Variants in NCAM2 observed in about 807,000 individuals in gnomAD.
NCAM2 encodes N-CAM-2.
NCAM2 carries 30 observed loss-of-function variants against 98.1 expected under a neutral mutation model. The observed-to-expected ratio is 0.31, with a 90% CI of 0.23 to 0.41. The LOEUF (loss-of-function observed/expected upper bound fraction) is 0.41. Among genes scored for constraint, NCAM2 ranks in the 10% least tolerant of loss-of-function variants. The probability of loss-of-function intolerance (pLI) is 1.00; values close to 1 mark genes in which losing one functional copy is unlikely to be tolerated. For missense variants in NCAM2, 867 were observed against 1,005.8 expected, an observed-to-expected ratio of 0.86 and a Z score of 1.87; for synonymous variants, 368 against 342.4, an observed-to-expected ratio of 1.07 and a Z score of -0.83.
At chr21:21,390,175 G>A (rs1035130218) in intron 9 of NCAM2, among the ~76,000 whole-genome samples, 4 of 151,974 alleles carry the variant, frequency 2.6e-5, no homozygotes, top group African/African-American at 7.3e-5. Flanking sequence ...TATTGACTAC[G>A]TGTTGAAATT....
At chr21:21,184,398 AT>A (rs1204783985) in intron 1 of NCAM2, among the ~76,000 whole-genome samples, 1 of 152,046 alleles carries the variant, frequency 6.6e-6, no homozygotes, top group Non-Finnish European at 1.5e-5. Context: ...TGTGGAGTAC[AT>A]TTTGGTACTT....
At chr21:21,236,671 G>C (rs1265375345) in intron 1 of NCAM2, among the ~76,000 whole-genome samples, 1 of 151,836 alleles carries the variant, frequency 6.6e-6, no homozygotes, top group Non-Finnish European at 1.5e-5. Context: ...ATGTTGCCTA[G>C]TATTTAATAA....
chr21:21,264,770 CTATATATA>C (rs933965013), intron 1 of NCAM2, among the ~76,000 whole-genome samples: 1 of 6,174 alleles, frequency 1.6e-4, no homozygotes, highest in Admixed American at 2.5e-3. Flanking sequence ...ATATATTCCA[CTATATATA>C]TACATATATA....
intron 12 of NCAM2, among the ~76,000 whole-genome samples, chr21:21,439,793 T>C (rs938854972): frequency 2.0e-5 from 3 of 152,236 alleles, no homozygotes; most frequent in African/African-American, 7.2e-5. Flanking sequence ...TTTATACCTA[T>C]GATACACATT....
intron 11 of NCAM2, among the ~76,000 whole-genome samples, chr21:21,421,220 T>C (rs1370176124): frequency 1.3e-5 from 2 of 152,018 alleles, no homozygotes; most frequent in African/African-American, 4.8e-5. Context: ...TAGTATTTAA[T>C]GTGCATGTAC....
At chr21:21,123,584 C>T (rs1440525402) in intron 1 of NCAM2, among the ~76,000 whole-genome samples, 1 of 152,054 alleles carries the variant, frequency 6.6e-6, no homozygotes, top group Admixed American at 6.6e-5. Context: ...TTGTAAGATG[C>T]TACAAATGTC....
intron 10 of NCAM2, among the ~76,000 whole-genome samples, chr21:21,411,046 ATGTG>A (rs376274913): frequency 4.1e-5 from 2 of 48,742 alleles, no homozygotes; most frequent in Non-Finnish European, 7.5e-5. Flanking sequence ...ACATATATAT[ATGTG>A]TGTGTATATA....
chr21:21,150,217 G>C lies in NCAM2; in HGVS notation c.56-130361G>C, dbSNP rs1466455270. On this transcript the variant is annotated intron_variant, in intron 1 of 17. Transcript: ENST00000400546. Reference sequence around the variant, plus strand: ...ACAATTAATTATTGCATGTTGAGCAGTACCTTGCAAATATATTTACTTATT... The same window carrying C: ...ACAATTAATTATTGCATGTTGAGCACTACCTTGCAAATATATTTACTTATT... 5.9e-5 allele frequency among the ~76,000 whole-genome samples: 9 copies of C among 152,130 alleles called. 1 individual carries two copies.
intron 16 of NCAM2, among the ~76,000 whole-genome samples, chr21:21,515,626 G>T (rs1988667603): frequency 6.6e-6 from 1 of 152,024 alleles, no homozygotes; most frequent in African/African-American, 2.4e-5. Context: ...ATTGAATAAA[G>T]TAATTTCGAT....
intron 1 of NCAM2, among the ~76,000 whole-genome samples, chr21:21,001,680 C>T (rs752247438): frequency 1.8e-4 from 28 of 152,156 alleles, no homozygotes; most frequent in Admixed American, 7.2e-4. Flanking sequence ...TGGATGTTCA[C>T]ATATGTAAGA....
chr21:21,383,917 A>G (rs940522293), intron 9 of NCAM2, among the ~76,000 whole-genome samples: 1 of 152,084 alleles, frequency 6.6e-6, no homozygotes, highest in Admixed American at 6.5e-5. Flanking sequence ...CAAAATTTAA[A>G]AAAGTGTTTA....
intron 9 of NCAM2, among the ~76,000 whole-genome samples, chr21:21,408,088 A>G (rs909267615): frequency 6.6e-6 from 1 of 152,208 alleles, no homozygotes; most frequent in African/African-American, 2.4e-5. Flanking sequence ...TGACCCCCAA[A>G]TGGACATCAT....
intron 9 of NCAM2, among the ~76,000 whole-genome samples, chr21:21,378,797 C>T (rs2076088299): frequency 6.6e-6 from 1 of 151,914 alleles, no homozygotes. Flanking sequence ...CAAAAAACTT[C>T]TGCAAAGATT....
At chr21:21,267,978 G>A (rs534932265) in intron 1 of NCAM2, among the ~76,000 whole-genome samples, 26 of 152,102 alleles carry the variant, frequency 1.7e-4, no homozygotes, top group Non-Finnish European at 3.1e-4. Flanking sequence ...GCTTATATAC[G>A]GCTGTGGCTA....
intron 12 of NCAM2, among the ~76,000 whole-genome samples, chr21:21,460,511 G>A (rs934888014): frequency 7.2e-5 from 11 of 151,854 alleles, no homozygotes; most frequent in Non-Finnish European, 1.2e-4. Context: ...TGTTTTCAAT[G>A]TTCAGCAACA....
chr21:21,271,879 C>T (rs1280412182), intron 1 of NCAM2, among the ~76,000 whole-genome samples: 3 of 152,078 alleles, frequency 2.0e-5, no homozygotes, highest in Admixed American at 2.0e-4. Context: ...GAACATCACA[C>T]ACCGGGGCCT....
chr21:21,293,944 A>G (rs1002649228), intron 5 of NCAM2, among the ~76,000 whole-genome samples: 1 of 151,558 alleles, frequency 6.6e-6, no homozygotes, highest in African/African-American at 2.4e-5. Context: ...AGTATTTCCT[A>G]TTATTGTTAT....
chr21:21,485,024 TTTTAAG>T (rs79538358), intron 15 of NCAM2, among the ~76,000 whole-genome samples: 1,808 of 152,240 alleles, frequency 0.012, 15 homozygotes, highest in Non-Finnish European at 0.02. Context: ...TTACTGTTAC[TTTTAAG>T]TATAAGTTTC....
At chr21:21,511,049 AT>A in intron 16 of NCAM2, among the ~76,000 whole-genome samples, 1 of 151,928 alleles carries the variant, frequency 6.6e-6, no homozygotes, top group South Asian at 2.1e-4. Flanking sequence ...GGCATACAAT[AT>A]GTAATAATCA....
Sources: gnomAD v4.1 joint callset for allele counts (sites outside exome capture counted in the v4.1 genomes callset) on GRCh38, gnomAD v4.1.1 for gene constraint, MANE v1.5 for transcripts, NCBI Gene and HGNC (gene_info 2026-07-23, HGNC 2026-07-21) for gene names.